Variants in CLMP observed in about 807,000 individuals in gnomAD.
The protein encoded by CLMP is CXADR like cell adhesion molecule.
Under a neutral mutation model 45.2 loss-of-function variants are expected in CLMP, and 27 were observed. The observed-to-expected ratio is 0.60, with a 90% CI of 0.44 to 0.82. CLMP has a LOEUF of 0.82. Among genes scored for constraint, CLMP ranks in the 40% least tolerant of loss-of-function variants. CLMP has a pLI of 0.00. For synonymous variants in CLMP, 167 were observed against 171.4 expected (o/e 0.97, Z 0.20); for missense variants, 403 against 448.4 (o/e 0.90, Z 0.91).
At chr11:123,106,465 A>T in intron 1 of CLMP, among the ~76,000 whole-genome samples, 1 of 150,168 alleles carries the variant, frequency 6.7e-6, no homozygotes, top group Non-Finnish European at 1.5e-5. Flanking sequence ...CAGATTGTTT[A>T]TGGAACACTG....
At chr11:123,177,385 T>C (rs996226808) in intron 1 of CLMP, among the ~76,000 whole-genome samples, 1 of 152,170 alleles carries the variant, frequency 6.6e-6, no homozygotes, top group Non-Finnish European at 1.5e-5. Context: ...GAGGCTCTGG[T>C]GGGTCACTTC....
chr11:123,102,581 GTT>G (rs568403829), intron 1 of CLMP, among the ~76,000 whole-genome samples: 3 of 121,510 alleles, frequency 2.5e-5, no homozygotes, highest in Non-Finnish European at 3.4e-5. Flanking sequence ...GCCCAGCCAG[GTT>G]TTTTTTTTTT....
chr11:123,171,792 G>A (rs1295764918), intron 1 of CLMP, among the ~76,000 whole-genome samples: 1 of 152,058 alleles, frequency 6.6e-6, no homozygotes, highest in Admixed American at 6.5e-5. Context: ...AGCCATTTAA[G>A]GACGAGTGGC....
chr11:123,114,654 A>G (rs1344260933), intron 1 of CLMP, among the ~76,000 whole-genome samples: 3 of 152,106 alleles, frequency 2.0e-5, no homozygotes, highest in African/African-American at 4.8e-5. Flanking sequence ...TAAAAATCAC[A>G]GATAGTACAA....
chr11:123,146,577 A>G lies in CLMP; in HGVS notation c.28+48336T>C, dbSNP rs141845098. On this transcript the variant is annotated intron_variant, in intron 1 of 6. Coordinates refer to ENST00000448775, the MANE Select transcript of CLMP (RefSeq NM_024769.5). ...AGCTCTGTGACACATCCTCATTCTT[A>G]AAATTCTGGCCTCAGCCTGCATGAC... Among the ~76,000 whole-genome samples the G allele has an allele frequency of 2.4e-3, 369 of 152,192 alleles. 3 individuals carry two copies. Among genetic ancestry groups the G allele is most frequent in the African/African-American group, 8.5e-3 (352 of 41,528 alleles).
chr11:123,138,517 G>T (rs1207741954), intron 1 of CLMP, among the ~76,000 whole-genome samples: 3 of 152,060 alleles, frequency 2.0e-5, no homozygotes, highest in Non-Finnish European at 4.4e-5. Flanking sequence ...TGGTTACAGA[G>T]ATCTACTTTC....
chr11:123,107,125 A>G (rs1053162603), intron 1 of CLMP, among the ~76,000 whole-genome samples: 1 of 151,738 alleles, frequency 6.6e-6, no homozygotes, highest in Non-Finnish European at 1.5e-5. Flanking sequence ...CAGTGGCACA[A>G]TCATAACTCA....
At chr11:123,095,293 A>G (rs1398523306) in intron 2 of CLMP, among the ~76,000 whole-genome samples, 1 of 132,584 alleles carries the variant, frequency 7.5e-6, no homozygotes, top group Non-Finnish European at 1.6e-5. Flanking sequence ...AAAATTATCC[A>G]GTGAAACTTT....
At chr11:123,099,427 T>G (rs1014687884) in intron 1 of CLMP, among the ~76,000 whole-genome samples, 2 of 152,148 alleles carry the variant, frequency 1.3e-5, no homozygotes, top group African/African-American at 2.4e-5. Context: ...AGGAGAGAAA[T>G]TATAGGCAAT....
intron 5 of CLMP, among the ~76,000 whole-genome samples, chr11:123,081,987 C>G (rs1191782799): frequency 1.3e-5 from 2 of 152,156 alleles, no homozygotes; most frequent in Non-Finnish European, 2.9e-5. Flanking sequence ...GAAATCCAGG[C>G]AGTTATCTGA....
At chr11:123,170,298 A>T (rs144348401) in intron 1 of CLMP, among the ~76,000 whole-genome samples, 2,151 of 152,280 alleles carry the variant, frequency 0.014, 25 homozygotes, top group Non-Finnish European at 0.024. Context: ...ATGAGACTTC[A>T]TGGTTTGTAG....
At chr11:123,115,174 T>C (rs1332537484) in intron 1 of CLMP, among the ~76,000 whole-genome samples, 1 of 151,972 alleles carries the variant, frequency 6.6e-6, no homozygotes, top group African/African-American at 2.4e-5. Context: ...CCTGAGCATC[T>C]GGAACTACAA....
intron 1 of CLMP, among the ~76,000 whole-genome samples, chr11:123,118,981 CTTTCTTTCTTTCTTTCT>C (rs1209609904): frequency 2.0e-5 from 1 of 50,234 alleles, no homozygotes; most frequent in Non-Finnish European, 3.6e-5. Context: ...TTCTTTCTTT[CTTTCTTTCTTTCTTTCT>C]TTCTCTCTCT....
chr11:123,167,610 G>A (rs1861576835), intron 1 of CLMP, among the ~76,000 whole-genome samples: 2 of 152,026 alleles, frequency 1.3e-5, no homozygotes, highest in Non-Finnish European at 2.9e-5. Context: ...TTTTAGTGAA[G>A]CTTGGCCAGT....
At chr11:123,183,720 A>G (rs1861798250) in intron 1 of CLMP, among the ~76,000 whole-genome samples, 2 of 152,140 alleles carry the variant, frequency 1.3e-5, no homozygotes, top group South Asian at 4.1e-4. Flanking sequence ...AAATCTTCCC[A>G]GAGAAGACAG....
intron 1 of CLMP, among the ~76,000 whole-genome samples, chr11:123,161,675 A>AAAAT (rs750896212): frequency 1.5e-3 from 229 of 152,216 alleles, no homozygotes; most frequent in African/African-American, 2.1e-3. Flanking sequence ...ATTCTGTCTC[A>AAAAT]AAATAAATAA....
At chr11:123,180,567 G>T (rs11219051) in intron 1 of CLMP, among the ~76,000 whole-genome samples, 15,435 of 149,142 alleles carry the variant, frequency 0.1, 2,388 homozygotes, top group African/African-American at 0.34. Flanking sequence ...TTGTTAAGCA[G>T]CCTGAACAGA....
At chr11:123,148,457 C>T (rs11827760) in intron 1 of CLMP, among the ~76,000 whole-genome samples, 1 of 152,184 alleles carries the variant, frequency 6.6e-6, no homozygotes, top group African/African-American at 2.4e-5. Context: ...GAAAATCCAA[C>T]CCCATGAACA....
intron 2 of CLMP, among the ~76,000 whole-genome samples, chr11:123,091,042 A>G (rs886933361): frequency 9.9e-5 from 15 of 152,104 alleles, no homozygotes; most frequent in African/African-American, 3.6e-4. Context: ...TTCAAGGCCT[A>G]TCTACTGTGG....
Sources: gnomAD v4.1 joint callset for allele counts (sites outside exome capture counted in the v4.1 genomes callset) on GRCh38, gnomAD v4.1.1 for gene constraint, MANE v1.5 for transcripts, NCBI Gene and HGNC (gene_info 2026-07-23, HGNC 2026-07-21) for gene names.